ITPK1: variants seen among roughly 807,000 people sequenced by gnomAD.
The protein encoded by ITPK1 is inositol-tetrakisphosphate 1-kinase, also known as inositol 1,3,4-trisphosphate 5/6-kinase.
ITPK1 carries 21 observed loss-of-function variants against 45.3 expected under a neutral mutation model. That is an observed-to-expected ratio of 0.46 (90% confidence interval 0.33 to 0.67). The LOEUF (loss-of-function observed/expected upper bound fraction) is 0.67, where lower values mean the gene tolerates loss of function less well. Among genes scored for constraint, ITPK1 ranks in the 30% least tolerant of loss-of-function variants. The probability of loss-of-function intolerance (pLI) is 0.02; values close to 1 mark genes in which losing one functional copy is unlikely to be tolerated. For synonymous variants in ITPK1, 258 were observed against 253.6 expected, an observed-to-expected ratio of 1.02 and a Z score of -0.16; for missense variants, 474 against 573.5, an observed-to-expected ratio of 0.83 and a Z score of 1.77.
rs537438055 is a variant in ITPK1 at position 93,019,664 on chromosome 14, T to C, written c.121-2863A>G. Among the ~76,000 whole-genome samples the C allele has an allele frequency of 2.2e-3, 337 of 152,276 alleles. 2 individuals carry two copies. The highest frequency in any genetic ancestry group is 7.6e-3 in the African/African-American group (316 of 41,570). On this transcript the variant is annotated intron_variant, in intron 3 of 10. Coordinates refer to ENST00000267615, the MANE Select transcript of ITPK1 (RefSeq NM_014216.6). ...ATGCCACAACTGCCCTGAAGGGGTC[T>C]GTCCCCTGAACACACTGCAAACAGG...
intron 3 of ITPK1, among the ~76,000 whole-genome samples, chr14:93,037,530 A>G: frequency 6.6e-6 from 1 of 152,194 alleles, no homozygotes; most frequent in Non-Finnish European, 1.5e-5. Context: ...TGCTCACCTG[A>G]GCAGCCACCT....
rs770515931 is a variant in ITPK1, at chr14:93,115,164, C to G, written c.-1G>C. On this transcript the variant is annotated 5_prime_UTR_variant, in exon 2 of 11. Transcript: ENST00000267615. Reference sequence around the variant, plus strand: ...TCTTCCCTTTCAGAAAGGTCTGCATCTTCCTCCTCGGGCGGGGAGCCTGGG... The same window carrying G: ...TCTTCCCTTTCAGAAAGGTCTGCATGTTCCTCCTCGGGCGGGGAGCCTGGG... The G allele has an allele frequency of 6.2e-7, 1 of 1,601,694 alleles. No homozygotes were observed.
At chr14:92,946,575 T>G in intron 9 of ITPK1, 82 bp from the exon 10 acceptor site, 1 of 1,357,400 alleles carries the variant, frequency 7.4e-7, no homozygotes, top group Non-Finnish European at 1.0e-6. Context: ...CCACACCAGC[T>G]GCCACGAGGC....
chr14:92,940,883 G>C lies in ITPK1; in HGVS notation c.*678C>G. 7.8e-7 allele frequency: 1 copy of C among 1,288,692 alleles called. No homozygotes were observed. Among genetic ancestry groups the C allele is most frequent in the Admixed American group, 2.3e-5 (1 of 43,558 alleles). The allele number at this position is 1,288,692 out of a possible 1,614,324, so 79.8% of individuals were successfully genotyped here. A position where few individuals can be genotyped will look rare whatever the true frequency, so the allele number is the denominator to read the frequency against. On this transcript the variant is annotated 3_prime_UTR_variant, in exon 11 of 11. Coordinates refer to ENST00000267615, the MANE Select transcript of ITPK1 (RefSeq NM_014216.6). ...GGAGACCGCTGTGCAGGGCTAAATGGGACGTGTGTTGGGGGGCCCAGAGGA... is the reference window on the plus strand; with the variant it reads ...GGAGACCGCTGTGCAGGGCTAAATGCGACGTGTGTTGGGGGGCCCAGAGGA...
intron 3 of ITPK1, among the ~76,000 whole-genome samples, chr14:93,059,913 G>C (rs540156038): frequency 8.7e-5 from 13 of 149,186 alleles, no homozygotes; most frequent in African/African-American, 2.7e-4. Context: ...AGGCAGGGGT[G>C]GGGGGTGCTG....
At chr14:93,037,272 A>T (rs1889364617) in intron 3 of ITPK1, among the ~76,000 whole-genome samples, 1 of 152,254 alleles carries the variant, frequency 6.6e-6, no homozygotes, top group Non-Finnish European at 1.5e-5. Context: ...AGCATTTCTC[A>T]GCCTAGGACG....
At chr14:93,019,632 G>A (rs1049246368) in intron 3 of ITPK1, among the ~76,000 whole-genome samples, 2 of 152,164 alleles carry the variant, frequency 1.3e-5, no homozygotes, top group Non-Finnish European at 2.9e-5. Flanking sequence ...TTCCTCAGGT[G>A]CCTGACATGC....
chr14:92,955,206 T>C (rs531192965), intron 8 of ITPK1, among the ~76,000 whole-genome samples: 25 of 152,356 alleles, frequency 1.6e-4, no homozygotes, highest in African/African-American at 6.0e-4. Context: ...GTGCCACTCA[T>C]TTACATATCT....
At chr14:93,018,528 A>G (rs552310013) in intron 3 of ITPK1, among the ~76,000 whole-genome samples, 5 of 152,224 alleles carry the variant, frequency 3.3e-5, no homozygotes, top group African/African-American at 1.2e-4. Context: ...GATTTCCCCT[A>G]TATAGAAAAA....
At chr14:92,970,629 C>T (rs150487036) in intron 5 of ITPK1, among the ~76,000 whole-genome samples, 2 of 150,186 alleles carry the variant, frequency 1.3e-5, no homozygotes, top group East Asian at 2.0e-4. Context: ...TCTAAGTTCT[C>T]GCAGCATCAT....
At chr14:93,082,632 C>T (rs940227299) in intron 2 of ITPK1, among the ~76,000 whole-genome samples, 1 of 152,238 alleles carries the variant, frequency 6.6e-6, no homozygotes, top group African/African-American at 2.4e-5. Flanking sequence ...ACTGCCTCCT[C>T]CAGTCCACAT....
chr14:93,059,262 T>A (rs1331805799), intron 3 of ITPK1, among the ~76,000 whole-genome samples: 1 of 31,986 alleles, frequency 3.1e-5, no homozygotes, highest in Non-Finnish European at 5.5e-5. Flanking sequence ...GGATGGGTGC[T>A]GGTCATGAGG....
chr14:92,944,253 C>T (rs376223654), intron 10 of ITPK1, among the ~76,000 whole-genome samples: 3 of 152,084 alleles, frequency 2.0e-5, no homozygotes, highest in African/African-American at 7.2e-5. Context: ...TCTGCTTGGC[C>T]CCAAAAGGGT....
At chr14:92,982,859 G>C (rs1277614899) in intron 5 of ITPK1, among the ~76,000 whole-genome samples, 1 of 152,198 alleles carries the variant, frequency 6.6e-6, no homozygotes, top group Non-Finnish European at 1.5e-5. Context: ...AGGCATCTAA[G>C]AGACCCTATG....
chr14:93,012,772 G>A lies in ITPK1; in HGVS notation c.246+3904C>T, dbSNP rs1001751466. On this transcript the variant is annotated intron_variant, in intron 4 of 10. Transcript: ENST00000267615. This position sits in a 1 kb window ranked among gnomAD's most constrained non-coding sequence, Gnocchi z 4.9. ...CCGTCCTTCCAGCTGATAAAGACAG[G>A]GCAAAGGCAGCAGTTGAGACTGAAA... Among the ~76,000 whole-genome samples the A allele has an allele frequency of 6.6e-6, 1 of 152,166 alleles. No homozygotes were observed. The highest frequency in any genetic ancestry group is 2.1e-4 in the South Asian group (1 of 4,834).
intron 3 of ITPK1, among the ~76,000 whole-genome samples, chr14:93,023,653 A>G (rs987517791): frequency 1.3e-5 from 2 of 152,230 alleles, no homozygotes; most frequent in Non-Finnish European, 2.9e-5. Flanking sequence ...CCCGACAGGT[A>G]ACTGCAAGGT....
chr14:93,039,674 C>T (rs376892777), intron 3 of ITPK1, among the ~76,000 whole-genome samples: 3 of 152,234 alleles, frequency 2.0e-5, no homozygotes, highest in African/African-American at 7.2e-5. Context: ...GACGCACCTA[C>T]ACCTCACAGG....
chr14:92,942,066 G>C (rs1394894858), intron 10 of ITPK1, among the ~76,000 whole-genome samples, 162 bp from the exon 11 acceptor site: 1 of 152,202 alleles, frequency 6.6e-6, no homozygotes. Context: ...GATAAGGGGG[G>C]CTGAGGGGAG....
At chr14:93,071,710 G>A (rs1891013033) in intron 3 of ITPK1, 1 of 152,086 alleles carries the variant, frequency 6.6e-6, no homozygotes, top group South Asian at 2.1e-4. Flanking sequence ...ATTTAACAGT[G>A]TTCCTTTTTT....
Sources: allele counts gnomAD v4.1 joint callset (sites outside exome capture counted in the v4.1 genomes callset), GRCh38; gene constraint gnomAD v4.1.1; non-coding constraint Gnocchi (gnomAD v3.1); transcripts MANE v1.5; gene names NCBI Gene and HGNC (gene_info 2026-07-23, HGNC 2026-07-21).